WDR75: variants seen among roughly 807,000 people sequenced by gnomAD.
WDR75 encodes WD repeat-containing protein 75.
WDR75 carries 52 observed loss-of-function variants against 106.1 expected under a neutral mutation model. That is an observed-to-expected ratio of 0.49 (90% CI 0.39 to 0.62). The LOEUF is 0.62. Ranked by LOEUF, WDR75 falls within the 20% of genes least tolerant of loss-of-function variation. WDR75 has a pLI of 0.00. For missense variants in WDR75, 905 were observed against 970.3 expected (o/e 0.93, Z 0.89); for synonymous variants, 333 against 335.5 (o/e 0.99, Z 0.08).
chr2:189,444,136 C>T (rs185127763), intron 1 of WDR75, among the ~76,000 whole-genome samples: 3 of 151,958 alleles, frequency 2.0e-5, no homozygotes, highest in East Asian at 3.9e-4. Flanking sequence ...ATAATTAAAA[C>T]CATTTATCTA....
At chr2:189,468,661 C>A (rs1687054554) in intron 15 of WDR75, 92 bp downstream of exon 15, 2 of 1,267,788 alleles carry the variant, frequency 1.6e-6, no homozygotes, top group Non-Finnish European at 2.3e-6. Context: ...ATCATATCAT[C>A]AGGTCTGTAC....
intron 13 of WDR75, among the ~76,000 whole-genome samples, chr2:189,467,064 CT>C (rs1687017355): frequency 6.6e-6 from 1 of 152,030 alleles, no homozygotes. Context: ...AGCAGTCTCC[CT>C]TTAACAGTGG....
intron 2 of WDR75, chr2:189,450,262 T>C (rs1686588465): frequency 7.1e-6 from 7 of 985,446 alleles, no homozygotes; most frequent in Non-Finnish European, 8.4e-6. Flanking sequence ...TTAATGCTCA[T>C]ATAAGGTAAA....
intron 19 of WDR75, 51 bp from the exon 20 acceptor site, chr2:189,474,666 C>G (rs369366710): frequency 2.1e-6 from 3 of 1,459,298 alleles, no homozygotes; most frequent in Admixed American, 3.4e-5. Context: ...GAACAGACTG[C>G]GGTGGAGGAT....
chr2:189,455,674 A>G, intron 5 of WDR75: 1 of 336,988 alleles, frequency 3.0e-6, no homozygotes, highest in South Asian at 1.1e-4. Context: ...ACTCTCTTAG[A>G]CTATGTGTCT....
At chr2:189,468,698 A>G (rs892627275) in intron 15 of WDR75, 129 bp downstream of exon 15, 6 of 813,140 alleles carry the variant, frequency 7.4e-6, no homozygotes, top group Non-Finnish European at 1.2e-5. Context: ...TTTACGTGAC[A>G]TATGATGCCA....
At chr2:189,441,669 C>T (rs963318449) in intron 1 of WDR75, 91 bp downstream of exon 1, 8 of 1,418,920 alleles carry the variant, frequency 5.6e-6, no homozygotes, top group Non-Finnish European at 6.8e-6. Flanking sequence ...CGTTCGGACT[C>T]GCCCGCCTGG....
intron 15 of WDR75, 67 bp from the exon 16 acceptor site, chr2:189,469,275 AAG>A (rs1435743997): frequency 6.8e-6 from 8 of 1,178,836 alleles, no homozygotes; most frequent in Non-Finnish European, 1.0e-5. Flanking sequence ...TCCTAAGAAT[AAG>A]AGAAGTTTTT....
intron 5 of WDR75, among the ~76,000 whole-genome samples, 197 bp from the exon 6 acceptor site, chr2:189,457,114 G>T (rs1254144153): frequency 2.0e-5 from 3 of 151,988 alleles, no homozygotes; most frequent in Non-Finnish European, 4.4e-5. Flanking sequence ...GGTGGTAGGT[G>T]CCTGTAATCC....
Position 189,475,318 on chromosome 2 carries a change from A to G in WDR75, c.2394A>G (p.Thr798=). Residue 798 remains threonine, a synonymous_variant, in exon 21 of 21, where the codon ACA becomes ACG. Coordinates refer to ENST00000314761, the MANE Select transcript of WDR75 (RefSeq NM_032168.3). ...AAAAAGTCCAGGATACAAGTAACAC[A>G]GGTTTAGGAGAAGACATTATACATC... The part of the protein sequence containing the change: ...FTEKVQDTSN[T]GLGEDIIHQL... 1 of 1,612,244 alleles carries G rather than the reference A, an allele frequency of 6.2e-7. No homozygotes were observed. The highest frequency in any genetic ancestry group is 8.5e-7 in the Non-Finnish European group (1 of 1,178,824).
intron 9 of WDR75, among the ~76,000 whole-genome samples, chr2:189,463,420 A>G (rs1686939859): frequency 6.6e-6 from 1 of 152,120 alleles, no homozygotes; most frequent in African/African-American, 2.4e-5. Flanking sequence ...TCAGAATATA[A>G]ACTCAGGTGA....
intron 18 of WDR75, among the ~76,000 whole-genome samples, chr2:189,473,936 A>G (rs1347145502): frequency 6.6e-6 from 1 of 151,924 alleles, no homozygotes; most frequent in African/African-American, 2.4e-5. Context: ...TTTTTGTGGG[A>G]TTTGGTGAAG....
chr2:189,455,551 T>A, intron 5 of WDR75, 107 bp downstream of exon 5: 1 of 1,383,034 alleles, frequency 7.2e-7, no homozygotes, highest in Non-Finnish European at 9.8e-7. Context: ...CTTGAATTAC[T>A]ATATTTGTAT....
intron 20 of WDR75, 145 bp downstream of exon 20, chr2:189,474,953 A>C: frequency 9.0e-6 from 7 of 780,254 alleles, no homozygotes; most frequent in Non-Finnish European, 1.2e-5. Flanking sequence ...AGGATTATTA[A>C]GTCAAGTAAC....
At chr2:189,462,338 T>C in intron 8 of WDR75, 146 bp from the exon 9 acceptor site, 2 of 873,362 alleles carry the variant, frequency 2.3e-6, no homozygotes, top group Non-Finnish European at 3.4e-6. Flanking sequence ...CTTCAGAGTA[T>C]ATTAAAAGAT....
chr2:189,471,261 T>C (rs962522912), intron 18 of WDR75, among the ~76,000 whole-genome samples: 7 of 152,210 alleles, frequency 4.6e-5, no homozygotes, highest in African/African-American at 1.7e-4. Context: ...TTTTCAGATT[T>C]AGGTATTATC....
chr2:189,470,710 T>C (rs1464255933), intron 17 of WDR75, 109 bp from the exon 18 acceptor site: 1 of 612,034 alleles, frequency 1.6e-6, no homozygotes, highest in African/African-American at 1.9e-5. Context: ...GTCAAATATA[T>C]ATATCAAAGT....
chr2:189,446,372 C>T (rs1454587643), intron 1 of WDR75, among the ~76,000 whole-genome samples: 1 of 152,120 alleles, frequency 6.6e-6, no homozygotes, highest in African/African-American at 2.4e-5. Flanking sequence ...GTGGCCCAGG[C>T]TGGAGATGTT....
At chr2:189,447,665 G>C (rs192029087) in intron 1 of WDR75, among the ~76,000 whole-genome samples, 1 of 152,290 alleles carries the variant, frequency 6.6e-6, no homozygotes, top group East Asian at 1.9e-4. Context: ...AAACAGTCAA[G>C]AGATATGATA....
Sources: gnomAD v4.1 joint callset for allele counts (sites outside exome capture counted in the v4.1 genomes callset) on GRCh38, gnomAD v4.1.1 for gene constraint, MANE v1.5 for transcripts, NCBI Gene and HGNC (gene_info 2026-07-23, HGNC 2026-07-21) for gene names.